Variants in WWC1 observed in about 807,000 individuals in gnomAD.
WWC1 encodes the protein WW and C2 domain containing 1.
Under a neutral mutation model 138.4 loss-of-function variants are expected in WWC1, and 55 were observed. That is an observed-to-expected ratio of 0.40 (90% confidence interval 0.32 to 0.50). The LOEUF is 0.50. WWC1 is among the 20% of genes least tolerant of loss of function. WWC1 has a pLI of 0.72. For synonymous variants in WWC1, 524 were observed against 564.9 expected, an observed-to-expected ratio of 0.93 and a Z score of 1.03; for missense variants, 1,226 against 1,420.4, an observed-to-expected ratio of 0.86 and a Z score of 2.20.
intron 9 of WWC1, among the ~76,000 whole-genome samples, chr5:168,419,190 G>T (rs888250750): frequency 4.6e-5 from 7 of 152,168 alleles, no homozygotes; most frequent in Non-Finnish European, 1.0e-4. Flanking sequence ...CAGGCCCCAG[G>T]CTGGGTTAGC....
intron 3 of WWC1, among the ~76,000 whole-genome samples, chr5:168,397,294 C>G (rs1778975443): frequency 1.3e-5 from 2 of 152,054 alleles, no homozygotes; most frequent in Non-Finnish European, 2.9e-5. Context: ...AGGCGCCCAC[C>G]ACCATGCCCA....
At chr5:168,367,988 A>G (rs1776447023) in intron 1 of WWC1, among the ~76,000 whole-genome samples, 1 of 152,024 alleles carries the variant, frequency 6.6e-6, no homozygotes, top group African/African-American at 2.4e-5. Context: ...GCAAAATGTC[A>G]TACTGTAACA....
At chr5:168,293,405 G>C (rs1431606178) in intron 1 of WWC1, among the ~76,000 whole-genome samples, 1 of 152,084 alleles carries the variant, frequency 6.6e-6, no homozygotes. Context: ...AGGTGTCCCA[G>C]AAGTGTATGT....
intron 1 of WWC1, among the ~76,000 whole-genome samples, chr5:168,345,374 G>C (rs1224550003): frequency 6.6e-6 from 1 of 152,234 alleles, no homozygotes; most frequent in African/African-American, 2.4e-5. Context: ...TGGGATTACA[G>C]GGGTGAGCTA....
chr5:168,443,314 C>G (rs1754962771), intron 16 of WWC1, among the ~76,000 whole-genome samples: 1 of 151,994 alleles, frequency 6.6e-6, no homozygotes. Flanking sequence ...CCCTCCCATC[C>G]CCACCTTCTT....
intron 1 of WWC1, among the ~76,000 whole-genome samples, chr5:168,300,279 GAAA>G: frequency 6.6e-6 from 1 of 152,258 alleles, no homozygotes. Context: ...TTCCTGAGCA[GAAA>G]AATAATAATG....
intron 3 of WWC1, among the ~76,000 whole-genome samples, chr5:168,393,925 TAACTC>T (rs768924745): frequency 4.1e-4 from 63 of 152,174 alleles, no homozygotes; most frequent in Non-Finnish European, 7.9e-4. Context: ...TGACAATAAT[TAACTC>T]AAGGGGAAAA....
rs149767436 is a variant in WWC1, at chr5:168,405,848, T to C, written c.591-350T>C. The stretch of plus-strand genomic sequence containing the variant: ...TTCAAGCAATTCTCATGCCTCAGCC[T>C]CTCAGGCAGCTGGAATTACAGGCTT... On this transcript the variant is annotated intron_variant, in intron 5 of 22. Coordinates refer to ENST00000265293, the MANE Select transcript of WWC1 (RefSeq NM_015238.3). Among the ~76,000 whole-genome samples the C allele has an allele frequency of 7.6e-4, 116 of 151,856 alleles. 1 individual carries two copies. The East Asian group carries it at 0.022, about 28-fold the overall frequency.
intron 1 of WWC1, among the ~76,000 whole-genome samples, chr5:168,341,368 C>A (rs1023664317): frequency 6.6e-6 from 1 of 152,096 alleles, no homozygotes; most frequent in African/African-American, 2.4e-5. Flanking sequence ...GTATAGTATG[C>A]AGGCTTCTGA....
At chr5:168,410,252 T>C (rs1780120910) in intron 8 of WWC1, 3 of 423,478 alleles carry the variant, frequency 7.1e-6, no homozygotes, top group Non-Finnish European at 8.6e-6. Context: ...AGCCGAGTTA[T>C]CTTCCCACTT....
intron 1 of WWC1, among the ~76,000 whole-genome samples, chr5:168,334,567 A>G (rs1773302562): frequency 6.7e-6 from 1 of 149,878 alleles, no homozygotes; most frequent in South Asian, 2.1e-4. Flanking sequence ...CCCCATTTAC[A>G]GTCTCATGCT....
Position 168,292,338 on chromosome 5 carries a change from C to T in WWC1, c.119+67C>T, listed in dbSNP as rs1581830690. On this transcript the variant is annotated intron_variant, in intron 1 of 22. Transcript: ENST00000265293. This position sits in a 1 kb window ranked among gnomAD's most constrained non-coding sequence, Gnocchi z 4.4. ...CTGGGCCCCCACCTGCCCCTGGAGC[C>T]GCCGGCCGGGACTGGGAGGGGGCAG... 3 of 1,523,854 alleles carry T rather than the reference C, an allele frequency of 2.0e-6. No individual in the cohort carries two copies. Among genetic ancestry groups the T allele is most frequent in the East Asian group, 5.2e-5 (2 of 38,774 alleles). 94.4% of individuals were successfully genotyped at this position (1,523,854 alleles called of 1,614,324 possible). A position where few individuals can be genotyped will look rare whatever the true frequency, so the allele number is the denominator to read the frequency against.
intron 1 of WWC1, among the ~76,000 whole-genome samples, chr5:168,318,595 T>C (rs571634259): frequency 1.3e-3 from 196 of 151,898 alleles, no homozygotes; most frequent in Middle Eastern, 6.8e-3. Context: ...GTTTCGCTCT[T>C]GTTGCCCAGG....
chr5:168,398,004 G>A (rs756897722), intron 4 of WWC1, among the ~76,000 whole-genome samples: 3 of 150,424 alleles, frequency 2.0e-5, no homozygotes, highest in Non-Finnish European at 3.0e-5. Flanking sequence ...CAGTCACCAT[G>A]TACCAGGCAC....
Position 168,467,698 on chromosome 5 carries a change from G to A in WWC1, c.3151-142G>A, listed in dbSNP as rs542810435. On this transcript the variant is annotated intron_variant, in intron 21 of 22. Coordinates refer to ENST00000265293, the MANE Select transcript of WWC1 (RefSeq NM_015238.3). ...GATGATTTGAGCACTTCCCATTATCGTTCTGAATGAAGTGGATCCCACATG... is the reference window on the plus strand; with the variant it reads ...GATGATTTGAGCACTTCCCATTATCATTCTGAATGAAGTGGATCCCACATG... The A allele has an allele frequency of 3.7e-5, 45 of 1,231,686 alleles. No individual in the cohort carries two copies. In the South Asian group the frequency reaches 4.1e-4, roughly 11 times the overall value. The allele number at this position is 1,231,686 out of a possible 1,614,324, so 76.3% of individuals were successfully genotyped here.
In WWC1 at chr5:168,441,618, A is replaced by G. The variant is rs552918938; in HGVS notation, c.2281-64A>G. On this transcript the variant is annotated intron_variant, in intron 15 of 22. Coordinates refer to ENST00000265293, the MANE Select transcript of WWC1 (RefSeq NM_015238.3). ...TTTCCATACTGTCCTCTTGAACCAAATTCCCTGACACCTGGTGTCCCCCCC... is the reference window on the plus strand; with the variant it reads ...TTTCCATACTGTCCTCTTGAACCAAGTTCCCTGACACCTGGTGTCCCCCCC... The G allele has an allele frequency of 5.1e-4, 793 of 1,569,558 alleles. 6 individuals are homozygous for G. Among genetic ancestry groups the G allele is most frequent in the Non-Finnish European group, 3.2e-5 (37 of 1,153,448 alleles).
chr5:168,300,286 A>T (rs943907217), intron 1 of WWC1, among the ~76,000 whole-genome samples: 3 of 152,196 alleles, frequency 2.0e-5, no homozygotes, highest in Non-Finnish European at 4.4e-5. Context: ...GCAGAAAAAT[A>T]ATAATGGGGT....
chr5:168,371,678 C>A, intron 2 of WWC1, 145 bp downstream of exon 2: 1 of 564,506 alleles, frequency 1.8e-6, no homozygotes, highest in Non-Finnish European at 3.2e-6. Flanking sequence ...ATAGAAATGT[C>A]GATGTAGATA....
chr5:168,424,444 A>T, intron 11 of WWC1, among the ~76,000 whole-genome samples: 1 of 152,216 alleles, frequency 6.6e-6, no homozygotes, highest in Non-Finnish European at 1.5e-5. Context: ...TGTTCTCATG[A>T]AGCTTATGTT....
Sources: gnomAD v4.1 joint callset for allele counts (sites outside exome capture counted in the v4.1 genomes callset) on GRCh38, gnomAD v4.1.1 for gene constraint, Gnocchi (gnomAD v3.1) non-coding constraint, MANE v1.5 for transcripts, NCBI Gene and HGNC (gene_info 2026-07-23, HGNC 2026-07-21) for gene names.